Variants in KCNH7 observed in about 807,000 individuals in gnomAD.
The protein encoded by KCNH7 is voltage-gated inwardly rectifying potassium channel KCNH7.
In KCNH7, 49 loss-of-function variants were observed where a neutral mutation model predicts 120.8. The observed-to-expected ratio is 0.41, with a 90% CI of 0.32 to 0.51. KCNH7 has a LOEUF of 0.51. Ranked by LOEUF, KCNH7 falls within the 20% of genes least tolerant of loss-of-function variation. The pLI is 0.38. For missense variants in KCNH7, 1,097 were observed against 1,446.6 expected, an observed-to-expected ratio of 0.76 and a Z score of 3.92; for synonymous variants, 547 against 516.1, an observed-to-expected ratio of 1.06 and a Z score of -0.81.
chr2:162,391,845 G>T (rs886538080), intron 12 of KCNH7, among the ~76,000 whole-genome samples: 2 of 151,962 alleles, frequency 1.3e-5, no homozygotes, highest in Admixed American at 1.3e-4. Context: ...CATAAGAGAT[G>T]AACTTCAGGA....
intron 2 of KCNH7, among the ~76,000 whole-genome samples, chr2:162,707,243 T>A (rs1442298451): frequency 2.0e-5 from 3 of 152,140 alleles, no homozygotes; most frequent in African/African-American, 7.2e-5. Flanking sequence ...GACACTTCTT[T>A]AGATTTGAAA....
rs780193884 is a variant in KCNH7 at position 162,516,547 on chromosome 2, G to C, written c.892+1183C>G. ...TAGAAATGAGGCTAGAAAAATAAGTGTGATCAGCTGACAAAGTGCCTAACA... is the reference window on the plus strand; with the variant it reads ...TAGAAATGAGGCTAGAAAAATAAGTCTGATCAGCTGACAAAGTGCCTAACA... On this transcript the variant is annotated intron_variant, in intron 4 of 15. Coordinates refer to ENST00000332142, the MANE Select transcript of KCNH7 (RefSeq NM_033272.4). 7.2e-5 allele frequency among the ~76,000 whole-genome samples: 11 copies of C among 151,746 alleles called. 1 individual carries two copies. The highest frequency in any genetic ancestry group is 1.5e-4 in the Non-Finnish European group (10 of 67,804).
chr2:162,391,346 T>C (rs1416419446), intron 12 of KCNH7, among the ~76,000 whole-genome samples: 1 of 152,100 alleles, frequency 6.6e-6, no homozygotes, highest in Non-Finnish European at 1.5e-5. Flanking sequence ...TGATGAATGC[T>C]CACCTTAAGA....
intron 2 of KCNH7, among the ~76,000 whole-genome samples, chr2:162,641,962 G>C (rs1684172287): frequency 6.6e-6 from 1 of 152,106 alleles, no homozygotes; most frequent in Non-Finnish European, 1.5e-5. Flanking sequence ...AGCCATTTCA[G>C]TTTCAATGGA....
At chr2:162,762,589 C>G (rs1689004184) in intron 2 of KCNH7, among the ~76,000 whole-genome samples, 2 of 152,000 alleles carry the variant, frequency 1.3e-5, no homozygotes, top group Admixed American at 6.6e-5. Context: ...GTACACTTCA[C>G]TCATTTAGAA....
At chr2:162,436,321 G>A (rs1256715803) in intron 7 of KCNH7, among the ~76,000 whole-genome samples, 3 of 152,074 alleles carry the variant, frequency 2.0e-5, no homozygotes, top group Non-Finnish European at 2.9e-5. Context: ...GCATGAATTA[G>A]GCACTACATT....
chr2:162,483,436 G>A (rs1245539158), intron 6 of KCNH7, among the ~76,000 whole-genome samples: 4 of 151,956 alleles, frequency 2.6e-5, no homozygotes, highest in Non-Finnish European at 5.9e-5. Context: ...AATGGAAGAG[G>A]GATTCTGCAG....
chr2:162,395,363 A>C (rs1403723924), intron 11 of KCNH7, among the ~76,000 whole-genome samples: 1 of 151,908 alleles, frequency 6.6e-6, no homozygotes, highest in African/African-American at 2.4e-5. Context: ...AATTATCGTA[A>C]GGTTAAATTT....
chr2:162,672,652 C>T (rs1034366059), intron 2 of KCNH7, among the ~76,000 whole-genome samples: 1 of 151,924 alleles, frequency 6.6e-6, no homozygotes, highest in African/African-American at 2.4e-5. Flanking sequence ...TATTGGCTGA[C>T]ACCCACATAG....
At chr2:162,606,454 A>G (rs1682776750) in intron 2 of KCNH7, among the ~76,000 whole-genome samples, 1 of 152,204 alleles carries the variant, frequency 6.6e-6, no homozygotes, top group South Asian at 2.1e-4. Context: ...GTATTCATTC[A>G]GTTATAAGGT....
chr2:162,505,889 G>T (rs927560505), intron 5 of KCNH7, among the ~76,000 whole-genome samples: 2 of 151,752 alleles, frequency 1.3e-5, no homozygotes, highest in Admixed American at 1.3e-4. Flanking sequence ...TAGACTTTAA[G>T]ATTTTGCATT....
At chr2:162,387,777 A>G (rs1428616857) in intron 12 of KCNH7, among the ~76,000 whole-genome samples, 1 of 151,816 alleles carries the variant, frequency 6.6e-6, no homozygotes, top group Non-Finnish European at 1.5e-5. Context: ...AGAGCATAGA[A>G]TAAGTGTCCT....
At position 162,547,406 on chromosome 2, in the gene KCNH7, C is replaced by T. The variant is rs539612852; in HGVS notation, c.308-10326G>A. ...TGTGGAAACACTGACTCCAGGGCAA[C>T]GTGAGTGGTGTGTGGCCCTTTCTCA... On this transcript the variant is annotated intron_variant, in intron 2 of 15. Transcript: ENST00000332142. Among the ~76,000 whole-genome samples the T allele has an allele frequency of 3.0e-4, 46 of 152,252 alleles. 2 individuals are homozygous for T. In the South Asian group the frequency reaches 8.7e-3, roughly 29 times the overall value.
At chr2:162,649,638 C>T (rs1022595691) in intron 2 of KCNH7, among the ~76,000 whole-genome samples, 1 of 133,620 alleles carries the variant, frequency 7.5e-6, no homozygotes, top group African/African-American at 3.7e-5. Flanking sequence ...CTTGATCTCC[C>T]ATTTCTGCAT....
In KCNH7 at chr2:162,736,288, A is replaced by G. The variant is rs547487740; in HGVS notation, c.307+100249T>C. Among the ~76,000 whole-genome samples the G allele has an allele frequency of 4.6e-5, 7 of 152,376 alleles. No individual in the cohort carries two copies. In the South Asian group the frequency reaches 1.4e-3, roughly 32 times the overall value. ...CATAACCAAAATTAAATGTGATTAT[A>G]GAAAAATAACTGAAATTAAAGTTAT... On this transcript the variant is annotated intron_variant, in intron 2 of 15. Transcript: ENST00000332142.
chr2:162,548,959 G>A (rs1692574100), intron 2 of KCNH7, among the ~76,000 whole-genome samples: 1 of 152,110 alleles, frequency 6.6e-6, no homozygotes, highest in Non-Finnish European at 1.5e-5. Context: ...TGAAAGATAG[G>A]GCCCAATATT....
At chr2:162,388,753 A>G (rs1362463362) in intron 12 of KCNH7, among the ~76,000 whole-genome samples, 1 of 151,950 alleles carries the variant, frequency 6.6e-6, no homozygotes. Flanking sequence ...TTTTGAAGAA[A>G]CACTTTTAAA....
rs149985939 is a variant in KCNH7, at chr2:162,716,748, C to G, written c.307+119789G>C. On this transcript the variant is annotated intron_variant, in intron 2 of 15. Coordinates refer to ENST00000332142, the MANE Select transcript of KCNH7 (RefSeq NM_033272.4). ...GAAGGAGCACAAGTTTTGGAGCAGA[C>G]CAATATGATTCAAACTGTGGCCATA... 7.4e-4 allele frequency among the ~76,000 whole-genome samples: 112 copies of G among 152,142 alleles called. 1 individual carries two copies. In the East Asian group the frequency reaches 0.019, roughly 26 times the overall value.
At chr2:162,748,459 AT>A (rs79255677) in intron 2 of KCNH7, among the ~76,000 whole-genome samples, 4 of 151,858 alleles carry the variant, frequency 2.6e-5, no homozygotes, top group African/African-American at 4.8e-5. Flanking sequence ...TTGATGAACA[AT>A]TTTTTTTTGT....
Sources: allele counts gnomAD v4.1 joint callset (sites outside exome capture counted in the v4.1 genomes callset), GRCh38; gene constraint gnomAD v4.1.1; transcripts MANE v1.5; gene names NCBI Gene and HGNC (gene_info 2026-07-23, HGNC 2026-07-21).